Variants in FOXP1 observed in about 807,000 individuals in gnomAD.
FOXP1 encodes forkhead box protein P1.
Under a neutral mutation model 98.2 loss-of-function variants are expected in FOXP1, and 15 were observed. The observed-to-expected ratio is 0.15, with a 90% CI of 0.10 to 0.24. The LOEUF (loss-of-function observed/expected upper bound fraction) is 0.24. Ranked by LOEUF, FOXP1 falls within the 10% of genes least tolerant of loss-of-function variation. FOXP1 has a pLI of 1.00. For synonymous variants in FOXP1, 371 were observed against 314.5 expected (o/e 1.18, Z -1.90); for missense variants, 633 against 848.5 (o/e 0.75, Z 3.15).
chr3:71,028,878 G>C (rs957781871), intron 11 of FOXP1, among the ~76,000 whole-genome samples: 1 of 152,160 alleles, frequency 6.6e-6, no homozygotes, highest in Admixed American at 6.5e-5. Flanking sequence ...ACACAACCTA[G>C]ATTCCTTGCA....
chr3:71,121,276 C>T (rs570486718), intron 6 of FOXP1, among the ~76,000 whole-genome samples: 1 of 151,298 alleles, frequency 6.6e-6, no homozygotes, highest in Admixed American at 6.6e-5. Flanking sequence ...ACCCTGTATC[C>T]GCTTGCAATT....
intron 3 of FOXP1, among the ~76,000 whole-genome samples, chr3:71,463,880 T>C (rs753527103): frequency 6.6e-5 from 10 of 152,152 alleles, no homozygotes; most frequent in Non-Finnish European, 1.5e-4. Context: ...AGGAAGACAC[T>C]GGCAAGAGGG....
intron 4 of FOXP1, among the ~76,000 whole-genome samples, chr3:71,351,053 A>G (rs2568826): frequency 0.26 from 39,601 of 152,070 alleles, 5,429 homozygotes; most frequent in Non-Finnish European, 0.3. Flanking sequence ...TCCAGATTCC[A>G]TGACAGCTGC....
At chr3:71,242,429 G>A (rs959016281) in intron 5 of FOXP1, among the ~76,000 whole-genome samples, 1 of 152,090 alleles carries the variant, frequency 6.6e-6, no homozygotes, top group African/African-American at 2.4e-5. Flanking sequence ...CTGCACTAGG[G>A]AAGTTTGCTC....
At chr3:71,206,025 T>C (rs1467386606) in intron 5 of FOXP1, among the ~76,000 whole-genome samples, 5 of 152,210 alleles carry the variant, frequency 3.3e-5, no homozygotes, top group Non-Finnish European at 7.3e-5. Flanking sequence ...TTAAAATAGT[T>C]TGCTTGTCCA....
intron 6 of FOXP1, chr3:71,130,867 A>C (rs914444374): frequency 7.0e-7 from 1 of 1,421,402 alleles, no homozygotes; most frequent in East Asian, 2.5e-5. Context: ...TATTAATGCC[A>C]CACATATCTA....
At chr3:71,080,489 T>C (rs1386194851) in intron 7 of FOXP1, among the ~76,000 whole-genome samples, 1 of 151,224 alleles carries the variant, frequency 6.6e-6, no homozygotes, top group African/African-American at 2.4e-5. Flanking sequence ...ACAATGGGAA[T>C]TCACTAGCGT....
At chr3:71,319,264 C>A (rs1415412827) in intron 4 of FOXP1, among the ~76,000 whole-genome samples, 1 of 152,106 alleles carries the variant, frequency 6.6e-6, no homozygotes, top group African/African-American at 2.4e-5. Flanking sequence ...CATACCACCA[C>A]AATAAGGGTT....
intron 3 of FOXP1, among the ~76,000 whole-genome samples, chr3:71,411,377 C>T (rs2082731763): frequency 6.6e-6 from 1 of 151,458 alleles, no homozygotes; most frequent in Non-Finnish European, 1.5e-5. Context: ...TGCAGTGGCG[C>T]GATATGGGCT....
rs1237856836 is a variant in FOXP1 at position 71,305,308 on chromosome 3, G to C, written c.-72-5428C>G. ...GAGCCTGGATGATGTCTCCTCCACC[G>C]TGGGGCCAAGAGGCTGTCATTTTCC... On this transcript the variant is annotated intron_variant, in intron 4 of 20. Coordinates refer to ENST00000649528, the MANE Select transcript of FOXP1 (RefSeq NM_001349338.3). Among the ~76,000 whole-genome samples the C allele has an allele frequency of 3.3e-5, 5 of 152,236 alleles. No homozygotes were observed. In the Middle Eastern group the frequency reaches 0.014, roughly 414 times the overall value.
chr3:71,061,098 T>C (rs918836332), intron 7 of FOXP1, among the ~76,000 whole-genome samples: 4 of 152,134 alleles, frequency 2.6e-5, no homozygotes, highest in African/African-American at 9.7e-5. Context: ...CTGAGTTTTC[T>C]TTTTTAAACG....
intron 10 of FOXP1, 142 bp downstream of exon 10, chr3:71,046,800 C>G (rs2049091281): frequency 7.7e-6 from 8 of 1,042,268 alleles, no homozygotes; most frequent in Middle Eastern, 3.0e-4. Context: ...ATGGGTCCAT[C>G]ATTATCCCAC....
chr3:71,128,513 A>C (rs2107895955), intron 6 of FOXP1, among the ~76,000 whole-genome samples: 1 of 152,292 alleles, frequency 6.6e-6, no homozygotes, highest in East Asian at 1.9e-4. Context: ...TAACATCTTT[A>C]AAGAGAGGGG....
rs202105915 is a variant in FOXP1, at chr3:70,956,071, ATTT to A, written c.*3173_*3175del. ...ATACAGTAGTTTTTTTTCCAAAGCT[ATTT>A]TTTTTTAGTATCGTTAATATAAAGC... On this transcript the variant is annotated 3_prime_UTR_variant, in exon 21 of 21. Coordinates refer to ENST00000649528, the MANE Select transcript of FOXP1 (RefSeq NM_001349338.3). 4.4e-6 allele frequency: 1 copy of A among 229,448 alleles called. No homozygotes were observed. The highest frequency in any genetic ancestry group is 1.8e-4 in the South Asian group (1 of 5,470). 14.2% of individuals were successfully genotyped at this position (229,448 alleles called of 1,614,324 possible).
At chr3:71,336,512 T>C (rs796878328) in intron 4 of FOXP1, among the ~76,000 whole-genome samples, 9 of 152,370 alleles carry the variant, frequency 5.9e-5, no homozygotes, top group African/African-American at 1.9e-4. Flanking sequence ...ATTTAATGGT[T>C]ACTTTCAGAA....
At chr3:71,009,916 A>AT (rs200610453) in intron 12 of FOXP1, among the ~76,000 whole-genome samples, 2,153 of 133,016 alleles carry the variant, frequency 0.016, 30 homozygotes, top group East Asian at 0.039. Context: ...ACCCAGCTGA[A>AT]TTTTTTTTTT....
intron 20 of FOXP1, among the ~76,000 whole-genome samples, chr3:70,965,188 TGTTATA>T (rs1324328091): frequency 2.0e-5 from 3 of 152,158 alleles, no homozygotes; most frequent in Admixed American, 2.0e-4. Context: ...GGAGAGAGGG[TGTTATA>T]GTTACACCAA....
intron 3 of FOXP1, among the ~76,000 whole-genome samples, chr3:71,387,704 A>C (rs1285965928): frequency 6.6e-6 from 1 of 152,246 alleles, no homozygotes; most frequent in Non-Finnish European, 1.5e-5. Context: ...ACACATTATA[A>C]ACTCAATAAC....
chr3:71,015,534 T>A lies in FOXP1; in HGVS notation c.974+15A>T. On this transcript the variant is annotated intron_variant, in intron 12 of 20. Coordinates refer to ENST00000649528, the MANE Select transcript of FOXP1 (RefSeq NM_001349338.3). Reference sequence around the variant, plus strand: ...GGCTATGTAAAAGAAGAAAACAAAATAAAATCATTCTTACTTTAGAAATGA... The same window carrying A: ...GGCTATGTAAAAGAAGAAAACAAAAAAAAATCATTCTTACTTTAGAAATGA... The A allele has an allele frequency of 6.3e-7, 1 of 1,575,008 alleles. No individual in the cohort carries two copies. The highest frequency in any genetic ancestry group is 8.7e-7 in the Non-Finnish European group (1 of 1,145,064).
Sources: allele counts gnomAD v4.1 joint callset (sites outside exome capture counted in the v4.1 genomes callset), GRCh38; gene constraint gnomAD v4.1.1; transcripts MANE v1.5; gene names NCBI Gene and HGNC (gene_info 2026-07-23, HGNC 2026-07-21).